ZNF423: variants seen among roughly 807,000 people sequenced by gnomAD.
ZNF423 encodes zinc finger protein 423.
In ZNF423, 12 loss-of-function variants were observed where a neutral mutation model predicts 95.8. The observed-to-expected ratio is 0.13, with a 90% CI of 0.08 to 0.20. The LOEUF (loss-of-function observed/expected upper bound fraction) is 0.20. Among genes scored for constraint, ZNF423 ranks in the 10% least tolerant of loss-of-function variants. ZNF423 has a pLI of 1.00. For missense variants in ZNF423, 1,316 were observed against 1,737.1 expected (o/e 0.76, Z 4.31); for synonymous variants, 749 against 711.9 (o/e 1.05, Z -0.83).
intron 3 of ZNF423, among the ~76,000 whole-genome samples, chr16:49,706,667 A>G (rs1596889818): frequency 6.6e-6 from 1 of 152,268 alleles, no homozygotes; most frequent in Non-Finnish European, 1.5e-5. Flanking sequence ...AAAAAATACA[A>G]GAGCAACATG....
intron 3 of ZNF423, 81 bp downstream of exon 3, chr16:49,730,690 C>A: frequency 7.0e-7 from 1 of 1,430,716 alleles, no homozygotes; most frequent in Non-Finnish European, 9.8e-7. Context: ...ATTCTTTAAT[C>A]TCACTTGAGG....
chr16:49,585,186 G>C (rs1970789820), intron 5 of ZNF423, among the ~76,000 whole-genome samples: 1 of 152,214 alleles, frequency 6.6e-6, no homozygotes, highest in Non-Finnish European at 1.5e-5. Flanking sequence ...CCCCCTCAGG[G>C]TAGCAAGACC....
intron 1 of ZNF423, among the ~76,000 whole-genome samples, chr16:49,820,263 T>G (rs2034921801): frequency 6.6e-6 from 1 of 152,178 alleles, no homozygotes; most frequent in Admixed American, 6.5e-5. Flanking sequence ...TGCTAGAGCA[T>G]GAACCCTCTG....
intron 2 of ZNF423, among the ~76,000 whole-genome samples, chr16:49,753,928 G>T (rs2033677389): frequency 6.6e-6 from 1 of 152,052 alleles, no homozygotes; most frequent in Non-Finnish European, 1.5e-5. Context: ...CTACTCCAGA[G>T]GCTGAGGCAG....
intron 6 of ZNF423, among the ~76,000 whole-genome samples, chr16:49,524,585 G>T (rs1335314289): frequency 2.0e-5 from 3 of 152,180 alleles, no homozygotes; most frequent in African/African-American, 7.2e-5. Context: ...GTCTAGCCCT[G>T]GCTTCCCAGT....
At chr16:49,536,114 A>AACACAAC (rs1400571503) in intron 5 of ZNF423, among the ~76,000 whole-genome samples, 1 of 152,208 alleles carries the variant, frequency 6.6e-6, no homozygotes, top group Admixed American at 6.5e-5. Context: ...GGCACACACA[A>AACACAAC]ACACAACACA....
chr16:49,627,750 CTACA>C (rs1156925289), intron 4 of ZNF423, among the ~76,000 whole-genome samples: 2 of 149,488 alleles, frequency 1.3e-5, no homozygotes, highest in Non-Finnish European at 3.0e-5. Context: ...GCCCATCCAT[CTACA>C]TAAACACCCA....
intron 3 of ZNF423, among the ~76,000 whole-genome samples, chr16:49,659,372 G>A (rs936682852): frequency 2.6e-5 from 4 of 152,202 alleles, no homozygotes; most frequent in Non-Finnish European, 5.9e-5. Context: ...AATTGCAGGC[G>A]TGAGCCACTG....
rs543303925 is a variant in ZNF423 at position 49,836,679 on chromosome 16, A to C, written c.40+19056T>G. Reference sequence around the variant, plus strand: ...GGGGATTCATGAGAACACGTGCAGGAAGCCCTCAGAGAGCCCTGGACGCAC... The same window carrying C: ...GGGGATTCATGAGAACACGTGCAGGCAGCCCTCAGAGAGCCCTGGACGCAC... On this transcript the variant is annotated intron_variant, in intron 1 of 7. Transcript: ENST00000563137. Among the ~76,000 whole-genome samples the C allele has an allele frequency of 2.0e-5, 3 of 152,260 alleles. No individual in the cohort carries two copies. The South Asian group carries it at 6.2e-4, about 32-fold the overall frequency.
chr16:49,561,519 A>G (rs1177681798), intron 5 of ZNF423, among the ~76,000 whole-genome samples: 2 of 152,184 alleles, frequency 1.3e-5, no homozygotes, highest in Non-Finnish European at 2.9e-5. Context: ...CAATATGAAA[A>G]CCATGGATCT....
chr16:49,625,586 G>A (rs35354384), intron 5 of ZNF423, among the ~76,000 whole-genome samples: 1 of 152,148 alleles, frequency 6.6e-6, no homozygotes, highest in Non-Finnish European at 1.5e-5. Context: ...GGCACCCCTA[G>A]CTGCCAAGGA....
At chr16:49,632,528 G>A (rs1972540499) in intron 4 of ZNF423, among the ~76,000 whole-genome samples, 1 of 152,110 alleles carries the variant, frequency 6.6e-6, no homozygotes, top group Non-Finnish European at 1.5e-5. Flanking sequence ...ATGATTTTCA[G>A]CTCATCCCTG....
At chr16:49,556,115 G>A (rs1597096908) in intron 5 of ZNF423, among the ~76,000 whole-genome samples, 1 of 152,164 alleles carries the variant, frequency 6.6e-6, no homozygotes, top group Non-Finnish European at 1.5e-5. Flanking sequence ...CAAGATCACT[G>A]GTCTCTTCCG....
chr16:49,558,986 T>C (rs1344631317), intron 5 of ZNF423, among the ~76,000 whole-genome samples: 1 of 152,168 alleles, frequency 6.6e-6, no homozygotes, highest in Non-Finnish European at 1.5e-5. Context: ...TGGGGGCAAG[T>C]CCTGAGCTCC....
At position 49,726,749 on chromosome 16, in the gene ZNF423, C is replaced by A. The variant is rs925296845; in HGVS notation, c.301+4022G>T. 4.0e-5 allele frequency among the ~76,000 whole-genome samples: 6 copies of A among 150,036 alleles called. No individual in the cohort carries two copies. The East Asian group carries it at 1.2e-3, about 30-fold the overall frequency. Reference sequence around the variant, plus strand: ...ACACTGTGGCAAAAAGCCTCATCTACAGACATCTTAGTCTAAATTTAATAT... The same window carrying A: ...ACACTGTGGCAAAAAGCCTCATCTAAAGACATCTTAGTCTAAATTTAATAT... On this transcript the variant is annotated intron_variant, in intron 3 of 7. Coordinates refer to ENST00000563137, the MANE Select transcript of ZNF423 (RefSeq NM_001379286.1).
At chr16:49,604,078 G>A (rs1971460253) in intron 5 of ZNF423, among the ~76,000 whole-genome samples, 1 of 152,204 alleles carries the variant, frequency 6.6e-6, no homozygotes, top group Non-Finnish European at 1.5e-5. Flanking sequence ...ACAGCCCCTG[G>A]TTGTGGCAGT....
intron 3 of ZNF423, chr16:49,708,211 A>G (rs75206477): frequency 0.036 from 5,488 of 152,098 alleles, 303 homozygotes; most frequent in Admixed American, 0.14. Flanking sequence ...ATGGCTCCAA[A>G]GATCAACCTC....
At chr16:49,595,074 G>A (rs997191765) in intron 5 of ZNF423, among the ~76,000 whole-genome samples, 5 of 152,116 alleles carry the variant, frequency 3.3e-5, no homozygotes, top group East Asian at 3.9e-4. Flanking sequence ...CTGAACACCC[G>A]GGTGACCCCA....
intron 3 of ZNF423, among the ~76,000 whole-genome samples, chr16:49,676,340 A>T (rs2031048337): frequency 1.3e-5 from 2 of 152,204 alleles, no homozygotes; most frequent in Admixed American, 1.3e-4. Context: ...CATAACAACC[A>T]GGAACTGGCA....
Sources: allele counts gnomAD v4.1 joint callset (sites outside exome capture counted in the v4.1 genomes callset), GRCh38; gene constraint gnomAD v4.1.1; transcripts MANE v1.5; gene names NCBI Gene and HGNC (gene_info 2026-07-23, HGNC 2026-07-21).